Variants in C2CD4A observed in about 807,000 individuals in gnomAD.
The protein encoded by C2CD4A is C2 calcium-dependent domain-containing protein 4A.
In C2CD4A, 2 loss-of-function variants were observed where a neutral mutation model predicts 0.4. The observed-to-expected ratio is 4.45, with a 90% CI of 1.82 to 13.99. The LOEUF (loss-of-function observed/expected upper bound fraction) is 13.99. Among genes scored for constraint, C2CD4A ranks in the 30% most tolerant of loss-of-function variants. The probability of loss-of-function intolerance (pLI) is 0.04; values close to 1 mark genes in which losing one functional copy is unlikely to be tolerated. For missense variants in C2CD4A, 610 were observed against 574.2 expected, an observed-to-expected ratio of 1.06 and a Z score of -0.64; for synonymous variants, 297 against 280.8, an observed-to-expected ratio of 1.06 and a Z score of -0.58.
At position 62,068,444 on chromosome 15, in the gene C2CD4A, C is replaced by A; in HGVS notation, c.831C>A (p.Ala277=). ...GGCTCCGCCTCCGGCTGCTCCGCGCCGAGAGCCCGGCCGGAGGCGCCCCCG... is the reference window on the plus strand; with the variant it reads ...GGCTCCGCCTCCGGCTGCTCCGCGCAGAGAGCCCGGCCGGAGGCGCCCCCG... ...TGRLRLRLLR[A]ESPAGGAPGP... is the part of the protein sequence containing the mutation. Residue 277 remains alanine, a synonymous_variant, in exon 2 of 2, where the codon GCC becomes GCA. Transcript: ENST00000355522. 7.1e-7 allele frequency: 1 copy of A among 1,417,084 alleles called. No homozygotes were observed. The allele number at this position is 1,417,084 out of a possible 1,614,324, so 87.8% of individuals were successfully genotyped here.
In C2CD4A at chr15:62,070,746, A is replaced by G. The variant is rs2049078426; in HGVS notation, c.*2023A>G. 1 of 374,934 alleles carries G rather than the reference A, an allele frequency of 2.7e-6. No homozygotes were observed. Among genetic ancestry groups the G allele is most frequent in the Non-Finnish European group, 4.9e-6 (1 of 203,540 alleles). The allele number at this position is 374,934 out of a possible 1,614,324, so 23.2% of individuals were successfully genotyped here. On this transcript the variant is annotated 3_prime_UTR_variant, in exon 2 of 2. Coordinates refer to ENST00000355522, the MANE Select transcript of C2CD4A (RefSeq NM_207322.3). ...AATGAATGATGACATAGAGTAGTTC[A>G]GATCTATCATGTGCTCTTCTATCTA...
Position 62,068,053 on chromosome 15 carries a change from CCCTGCGCGTCCCG to C in C2CD4A, c.442_454del (p.Leu148GlufsTer38), listed in dbSNP as rs891650684. Reference sequence around the variant, plus strand: ...GGCGGCCCGGACGCCCTCCTGGGGACCCTGCGCGTCCCGCGAGCTCCGGGCCCGGCGACCCCCG... The same window carrying C: ...GGCGGCCCGGACGCCCTCCTGGGGACCGAGCTCCGGGCCCGGCGACCCCCG... On this transcript the variant is annotated frameshift_variant, in exon 2 of 2. Coordinates refer to ENST00000355522, the MANE Select transcript of C2CD4A (RefSeq NM_207322.3). LOFTEE classifies it low-confidence loss of function (END_TRUNC). The C allele has an allele frequency of 4.2e-6, 5 of 1,195,260 alleles. No homozygotes were observed. In the African/African-American group the frequency reaches 8.0e-5, roughly 19 times the overall value. 74.0% of individuals were successfully genotyped at this position (1,195,260 alleles called of 1,614,324 possible).
rs868572963 is a variant in C2CD4A, at chr15:62,067,747, G to A, written c.134G>A (p.Arg45His). ...TGCGCAAATGTGCTCACTCCGGACC[G>A]CATCCCTGAGTTCTGCATCCCGCCA... ...AACANVLTPD[R>H]IPEFCIPPRL... The change falls in exon 2 of 2, where the codon CGC becomes CAC. Residue 45 changes from arginine to histidine, a missense_variant. Arg to His is a conservative substitution (Grantham distance 29). Coordinates refer to ENST00000355522, the MANE Select transcript of C2CD4A (RefSeq NM_207322.3). The A allele has an allele frequency of 1.2e-6, 2 of 1,612,794 alleles. No homozygotes were observed. The highest frequency in any genetic ancestry group is 1.7e-4 in the Middle Eastern group (1 of 6,034).
chr15:62,070,428 A>G lies in C2CD4A; in HGVS notation c.*1705A>G, dbSNP rs1230397289. ...AGCTGTCATCCCGCTTTGGCTTCTCAAAGTGCTAGGATTATAGGCGTGAGC... is the reference window on the plus strand; with the variant it reads ...AGCTGTCATCCCGCTTTGGCTTCTCGAAGTGCTAGGATTATAGGCGTGAGC... On this transcript the variant is annotated 3_prime_UTR_variant, in exon 2 of 2. Coordinates refer to ENST00000355522, the MANE Select transcript of C2CD4A (RefSeq NM_207322.3). 1 of 413,328 alleles carries G rather than the reference A, an allele frequency of 2.4e-6. No homozygotes were observed. The highest frequency in any genetic ancestry group is 4.4e-6 in the Non-Finnish European group (1 of 226,166). The allele number at this position is 413,328 out of a possible 1,614,324, so 25.6% of individuals were successfully genotyped here.
chr15:62,068,622 C>T lies in C2CD4A; in HGVS notation c.1009C>T (p.Leu337=). 6.4e-7 allele frequency: 1 copy of T among 1,559,138 alleles called. No homozygotes were observed. The part of the protein sequence containing the change: ...DGLSEDEVRR[L]AVRVKARDEG... ...CCTCTCGGAGGACGAAGTGCGCCGC[C>T]TGGCCGTTCGAGTCAAGGCCCGGGA... Residue 337 remains leucine (L), a synonymous_variant, in exon 2 of 2, where the codon CTG becomes TTG. Coordinates refer to ENST00000355522, the MANE Select transcript of C2CD4A (RefSeq NM_207322.3).
Sources: gnomAD v4.1 joint callset for allele counts on GRCh38, gnomAD v4.1.1 for gene constraint, MANE v1.5 for transcripts, NCBI Gene and HGNC (gene_info 2026-07-23, HGNC 2026-07-21) for gene names.